CFAP299: variants seen among roughly 807,000 people sequenced by gnomAD.
The protein encoded by CFAP299 is cilia- and flagella-associated protein 299.
CFAP299 carries 21 observed loss-of-function variants against 27.0 expected under a neutral mutation model. The ratio of observed to expected loss-of-function variants is 0.78; its 90% CI spans 0.55 to 1.12. CFAP299 has a LOEUF of 1.12. Among genes scored for constraint, CFAP299 ranks in the 50% most tolerant of loss-of-function variants. The probability of loss-of-function intolerance (pLI) is 0.00; values close to 1 mark genes in which losing one functional copy is unlikely to be tolerated. For synonymous variants in CFAP299, 104 were observed against 98.1 expected, an observed-to-expected ratio of 1.06 and a Z score of -0.36; for missense variants, 310 against 276.6, an observed-to-expected ratio of 1.12 and a Z score of -0.86.
chr4:80,331,243 G>C (rs547914241), upstream of CFAP299, among the ~76,000 whole-genome samples: 5 of 152,306 alleles, frequency 3.3e-5, no homozygotes, highest in South Asian at 1.0e-3. Context: ...AACATGTAAC[G>C]TGTGCAGTAG....
Position 80,710,500 on chromosome 4 carries a change from T to A in CFAP299, c.333+127317T>A, listed in dbSNP as rs1473179478. Among the ~76,000 whole-genome samples the A allele has an allele frequency of 6.0e-4, 67 of 112,062 alleles. 1 individual carries two copies. The highest frequency in any genetic ancestry group is 4.4e-3 in the South Asian group (15 of 3,418). 73.5% of individuals were successfully genotyped at this position (112,062 alleles called of 152,430 possible). On this transcript the variant is annotated intron_variant, in intron 3 of 5. Transcript: ENST00000358105. ...TTCTTTTTCTTTTTTTTTTTTTTTT[T>A]AAAAAAAAAAAGGTAAGTTGGAATA...
intron 3 of CFAP299, among the ~76,000 whole-genome samples, chr4:80,813,172 C>A (rs914137855): frequency 6.6e-6 from 1 of 151,864 alleles, no homozygotes; most frequent in African/African-American, 2.4e-5. Flanking sequence ...TTGATATGCA[C>A]GTAAACATCT....
Position 80,870,169 on chromosome 4 carries a change from CA to C in CFAP299, c.476+35del, listed in dbSNP as rs772743460. ...CATACAATTTTTGCACCCTTAGAGG[CA>C]GGGACAAAGACTTTTTATTTTATGG... On this transcript the variant is annotated intron_variant, in intron 4 of 5. Coordinates refer to ENST00000358105, the MANE Select transcript of CFAP299 (RefSeq NM_152770.3). 5.7e-6 allele frequency: 9 copies of C among 1,566,018 alleles called. No individual in the cohort carries two copies. The South Asian group carries it at 1.1e-4, about 19-fold the overall frequency.
intron 5 of CFAP299, among the ~76,000 whole-genome samples, chr4:80,960,331 C>A (rs1186955487): frequency 6.6e-6 from 1 of 151,826 alleles, no homozygotes; most frequent in Non-Finnish European, 1.5e-5. Flanking sequence ...AGCACAAAAC[C>A]ATTTTTATAT....
chr4:80,488,890 C>T (rs990241124), intron 2 of CFAP299, among the ~76,000 whole-genome samples: 1 of 152,168 alleles, frequency 6.6e-6, no homozygotes, highest in African/African-American at 2.4e-5. Context: ...GTTTGTGTCT[C>T]CCAGCAGTAT....
At chr4:80,854,731 G>A (rs976614060) in intron 3 of CFAP299, among the ~76,000 whole-genome samples, 10 of 148,226 alleles carry the variant, frequency 6.7e-5, no homozygotes, top group East Asian at 2.0e-4. Context: ...AATTGGGAGC[G>A]TGGGCGTTTA....
At chr4:80,950,650 G>T (rs180869171) in intron 5 of CFAP299, among the ~76,000 whole-genome samples, 1 of 152,072 alleles carries the variant, frequency 6.6e-6, no homozygotes, top group Admixed American at 6.6e-5. Flanking sequence ...GTGAAGGAAG[G>T]CAGAGGACCT....
chr4:80,775,071 TA>T (rs369851677), intron 3 of CFAP299, among the ~76,000 whole-genome samples: 8,692 of 141,416 alleles, frequency 0.061, 538 homozygotes, highest in African/African-American at 0.16. Context: ...AATAAAAAAA[TA>T]AAAAAAAAAG....
intron 1 of CFAP299, among the ~76,000 whole-genome samples, chr4:80,346,976 A>G (rs897229643): frequency 6.6e-6 from 1 of 152,154 alleles, no homozygotes; most frequent in Non-Finnish European, 1.5e-5. Flanking sequence ...TTCTCCTTGA[A>G]GAGATCCTTC....
At chr4:80,420,299 C>A (rs913636237) in intron 2 of CFAP299, 1 of 446,754 alleles carries the variant, frequency 2.2e-6, no homozygotes, top group African/African-American at 2.0e-5. Context: ...TGATTCTCTA[C>A]AGATGCAAAT....
chr4:80,869,849 C>A, intron 3 of CFAP299, 144 bp from the exon 4 acceptor site: 1 of 704,980 alleles, frequency 1.4e-6, no homozygotes, highest in East Asian at 2.9e-5. Flanking sequence ...GAAAAAGAAG[C>A]TGTTCAATGT....
At chr4:80,917,020 AGGAAGAAATTATTT>A (rs1735799307) in intron 4 of CFAP299, among the ~76,000 whole-genome samples, 1 of 152,176 alleles carries the variant, frequency 6.6e-6, no homozygotes, top group African/African-American at 2.4e-5. Flanking sequence ...AACATTTGGA[AGGAAGAAATTATTT>A]GGAAGAAAAA....
intron 4 of CFAP299, among the ~76,000 whole-genome samples, chr4:80,940,611 G>A (rs1221484712): frequency 6.6e-6 from 1 of 152,168 alleles, no homozygotes; most frequent in Non-Finnish European, 1.5e-5. Context: ...AGGGGAGTGA[G>A]GGCTGGAGTC....
intron 3 of CFAP299, among the ~76,000 whole-genome samples, chr4:80,664,831 G>A (rs1205678186): frequency 6.6e-6 from 1 of 152,138 alleles, no homozygotes; most frequent in Non-Finnish European, 1.5e-5. Flanking sequence ...ACCTGGTTTT[G>A]TGCTTGAAAC....
chr4:80,897,771 C>T (rs1481999774), intron 4 of CFAP299, among the ~76,000 whole-genome samples: 1 of 152,202 alleles, frequency 6.6e-6, no homozygotes, highest in Non-Finnish European at 1.5e-5. Context: ...CAGTTGTTTC[C>T]TTATGCCCTG....
At chr4:80,570,930 TG>T (rs1560630424) in intron 2 of CFAP299, among the ~76,000 whole-genome samples, 1 of 152,114 alleles carries the variant, frequency 6.6e-6, no homozygotes, top group East Asian at 1.9e-4. Flanking sequence ...GAAATACATG[TG>T]GAAATGCTAA....
intron 4 of CFAP299, among the ~76,000 whole-genome samples, chr4:80,873,820 C>G (rs1733235177): frequency 1.3e-5 from 2 of 152,204 alleles, no homozygotes; most frequent in Non-Finnish European, 2.9e-5. Flanking sequence ...CTATAGAGCT[C>G]TACCCATCCC....
intron 4 of CFAP299, among the ~76,000 whole-genome samples, chr4:80,924,008 GA>G (rs1736175020): frequency 6.6e-6 from 1 of 151,964 alleles, no homozygotes; most frequent in Non-Finnish European, 1.5e-5. Flanking sequence ...TCATTGATGA[GA>G]GTGAGTTTGC....
At chr4:80,712,196 T>A (rs141600235) in intron 3 of CFAP299, among the ~76,000 whole-genome samples, 4 of 152,286 alleles carry the variant, frequency 2.6e-5, no homozygotes, top group Non-Finnish European at 5.9e-5. Context: ...TTTAAGGCAT[T>A]TGGTTACTGT....
Sources: allele counts gnomAD v4.1 joint callset (sites outside exome capture counted in the v4.1 genomes callset), GRCh38; gene constraint gnomAD v4.1.1; transcripts MANE v1.5; gene names NCBI Gene and HGNC (gene_info 2026-07-23, HGNC 2026-07-21).